The following CNGB3 variants were observed in gnomAD, a reference collection of about 807,000 sequenced individuals.
The protein encoded by CNGB3 is cyclic nucleotide gated channel subunit beta 3.
CNGB3 carries 86 observed loss-of-function variants against 92.8 expected under a neutral mutation model. That is an observed-to-expected ratio of 0.93 (90% CI 0.78 to 1.11). CNGB3 has a LOEUF of 1.11. Ranked by LOEUF, CNGB3 falls within the 50% of genes least tolerant of loss-of-function variation. The probability of loss-of-function intolerance (pLI) is 0.00; values close to 1 mark genes in which losing one functional copy is unlikely to be tolerated. For missense variants in CNGB3, 1,026 were observed against 956.8 expected (o/e 1.07, Z -0.95); for synonymous variants, 333 against 332.7 (o/e 1.00, Z -0.01).
intron 3 of CNGB3, among the ~76,000 whole-genome samples, chr8:86,681,573 T>C (rs1289232816): frequency 6.6e-6 from 1 of 152,162 alleles, no homozygotes; most frequent in African/African-American, 2.4e-5. Context: ...GGAAACATTC[T>C]GCAGAGCTGA....
At chr8:86,677,557 G>T (rs1823999684) in intron 3 of CNGB3, among the ~76,000 whole-genome samples, 1 of 152,278 alleles carries the variant, frequency 6.6e-6, no homozygotes, top group Non-Finnish European at 1.5e-5. Context: ...GTAAAAGCCT[G>T]CATAGAACAA....
In CNGB3 at chr8:86,604,169, C is replaced by T; in HGVS notation, c.1705G>A (p.Val569Ile). The T allele has an allele frequency of 6.2e-7, 1 of 1,613,522 alleles. No homozygotes were observed. Among genetic ancestry groups the T allele is most frequent in the Non-Finnish European group, 8.5e-7 (1 of 1,179,526 alleles). The change falls in exon 15 of 18, where the codon GTC becomes ATC. Residue 569 changes from valine (V) to isoleucine (I), a missense_variant. Coordinates refer to ENST00000320005, the MANE Select transcript of CNGB3 (RefSeq NM_019098.5). ...CCATCAGGGCCTCCAAGAACTTGGA[C>T]TTCTCCATGCTTGATGATATACATT... is the stretch of plus-strand genomic sequence containing the variant. ...KEMYIIKHGE[V>I]QVLGGPDGTK...
intron 3 of CNGB3, among the ~76,000 whole-genome samples, chr8:86,680,477 C>T (rs1344529884): frequency 6.6e-6 from 1 of 152,264 alleles, no homozygotes; most frequent in African/African-American, 2.4e-5. Flanking sequence ...CAGAAGGGGC[C>T]ATGGTCAACC....
Position 86,658,016 on chromosome 8 carries a change from T to A in CNGB3, c.853-3954A>T, listed in dbSNP as rs945212153. Reference sequence around the variant, plus strand: ...CGTTCCAGTTTTTCCATCTGCTCCTTCAGGTCCACCTTCTCCTGCATGAGC... The same window carrying A: ...CGTTCCAGTTTTTCCATCTGCTCCTACAGGTCCACCTTCTCCTGCATGAGC... On this transcript the variant is annotated intron_variant, in intron 6 of 17. Coordinates refer to ENST00000320005, the MANE Select transcript of CNGB3 (RefSeq NM_019098.5). 5.5e-6 allele frequency: 3 copies of A among 546,766 alleles called. No homozygotes were observed. The African/African-American group carries it at 5.7e-5, about 10-fold the overall frequency. The allele number at this position is 546,766 out of a possible 1,614,324, so 33.9% of individuals were successfully genotyped here. A position where few individuals can be genotyped will look rare whatever the true frequency, so the allele number is the denominator to read the frequency against.
Position 86,699,761 on chromosome 8 carries a change from G to A in CNGB3, c.338+26770C>T, listed in dbSNP as rs185497151. Among the ~76,000 whole-genome samples the A allele has an allele frequency of 1.4e-3, 212 of 152,302 alleles. 1 individual carries two copies. Among genetic ancestry groups the A allele is most frequent in the Non-Finnish European group, 2.6e-4 (18 of 68,034 alleles). On this transcript the variant is annotated intron_variant, in intron 3 of 17. Coordinates refer to ENST00000320005, the MANE Select transcript of CNGB3 (RefSeq NM_019098.5). ...AGATCCCTTTTGCCAAATTTATAGG[G>A]TTGTCCAAGTATGGTATTTGAAAAA...
chr8:86,617,975 TG>T (rs59867532), intron 13 of CNGB3, among the ~76,000 whole-genome samples: 117,317 of 152,052 alleles, frequency 0.77, 46,686 homozygotes, highest in East Asian at 1. Flanking sequence ...GTAGAATCAG[TG>T]GGAGCCCTGA....
chr8:86,606,889 T>C (rs1251468971), intron 14 of CNGB3, among the ~76,000 whole-genome samples: 1 of 152,178 alleles, frequency 6.6e-6, no homozygotes, highest in East Asian at 1.9e-4. Flanking sequence ...CATCTAACGG[T>C]GACTCCAATA....
At chr8:86,727,102 G>GA (rs1410705733) in intron 2 of CNGB3, among the ~76,000 whole-genome samples, 7 of 152,094 alleles carry the variant, frequency 4.6e-5, no homozygotes, top group Non-Finnish European at 1.0e-4. Context: ...TGTAAACATA[G>GA]AAAAGATACA....
chr8:86,594,201 C>T (rs1239463292), intron 15 of CNGB3: 2 of 275,362 alleles, frequency 7.3e-6, no homozygotes, highest in Non-Finnish European at 1.5e-5. Flanking sequence ...CCCAACAGGG[C>T]CAAGACCTTC....
chr8:86,589,650 T>A (rs567333827), intron 15 of CNGB3, among the ~76,000 whole-genome samples: 1 of 152,332 alleles, frequency 6.6e-6, no homozygotes, highest in Non-Finnish European at 1.5e-5. Flanking sequence ...TGAGCGGTTT[T>A]GAGTGAGATT....
Position 86,739,636 on chromosome 8 carries a change from T to C in CNGB3, c.211+19A>G, listed in dbSNP as rs1175729226. On this transcript the variant is annotated intron_variant, in intron 2 of 17. Coordinates refer to ENST00000320005, the MANE Select transcript of CNGB3 (RefSeq NM_019098.5). ...CACTTTTTAGTTTTTTTTTTTTTTT[T>C]TTCAGACTGCATTCTGACCTTGTAT... is the stretch of plus-strand genomic sequence containing the variant. 6.2e-6 allele frequency: 10 copies of C among 1,606,562 alleles called. No individual in the cohort carries two copies. The African/African-American group carries it at 1.2e-4, about 20-fold the overall frequency.
intron 6 of CNGB3, chr8:86,661,466 G>T: frequency 1.7e-6 from 1 of 592,446 alleles, no homozygotes; most frequent in South Asian, 1.5e-5. Flanking sequence ...ATACGTCCCT[G>T]AGCTCTTTCA....
chr8:86,688,594 C>A (rs748968072), intron 3 of CNGB3, among the ~76,000 whole-genome samples: 5 of 151,958 alleles, frequency 3.3e-5, no homozygotes, highest in Non-Finnish European at 7.4e-5. Context: ...GATTTTCCAA[C>A]TTCTTGGCAT....
chr8:86,658,101 A>G (rs1005457773), intron 6 of CNGB3: 2 of 526,108 alleles, frequency 3.8e-6, no homozygotes, highest in Non-Finnish European at 7.1e-6. Flanking sequence ...GGGCCTCCCC[A>G]CACACAGAAT....
At chr8:86,597,635 A>T (rs117628083) in intron 15 of CNGB3, among the ~76,000 whole-genome samples, 4,897 of 152,164 alleles carry the variant, frequency 0.032, 114 homozygotes, top group Non-Finnish European at 0.051. Context: ...CTGTGACTGG[A>T]TAGAGTGTGG....
At position 86,632,770 on chromosome 8, in the gene CNGB3, G is replaced by C. The variant is rs1156375811; in HGVS notation, c.1302C>G (p.Phe434Leu). 2 of 1,612,834 alleles carry C rather than the reference G, an allele frequency of 1.2e-6. No individual in the cohort carries two copies. Among genetic ancestry groups the C allele is most frequent in the Non-Finnish European group, 1.7e-6 (2 of 1,179,752 alleles). ...LLNFFSGVFV[F>L]SSLIGQMRDV... ...AGCTTACCTGACCAATTAAACTGGA[G>C]AACACAAAAACTCCAGAAAAAAAAT... The change falls in exon 11 of 18, where the codon TTC becomes TTG. Residue 434 changes from phenylalanine (F) to leucine (L), a missense_variant. Phe to Leu is a conservative substitution (Grantham distance 22). Transcript: ENST00000320005.
chr8:86,668,021 G>C lies in CNGB3; in HGVS notation c.641C>G (p.Thr214Arg). Residue 214 changes from threonine (T) to arginine (R), a missense_variant and splice_region_variant, in exon 5 of 18, where the codon ACA becomes AGA. By Grantham distance (71) the Thr-to-Arg change is moderately conservative. Transcript: ENST00000320005. ...IKLPNSIDSY[T>R]DRLYLLWLLL... ...GATAATTCACCCTTTGATAATACCT[G>C]TGTATGAATCTATGCTGTTTGGAAG... The C allele has an allele frequency of 6.2e-7, 1 of 1,613,946 alleles. No individual in the cohort carries two copies. The highest frequency in any genetic ancestry group is 8.5e-7 in the Non-Finnish European group (1 of 1,179,956).
chr8:86,726,682 TA>T (rs1168859151), intron 2 of CNGB3, 25 bp from the exon 3 acceptor site: 1 of 1,612,726 alleles, frequency 6.2e-7, no homozygotes, highest in East Asian at 2.2e-5. Context: ...TTCACATAGA[TA>T]GAAGAATGTA....
chr8:86,649,421 A>T (rs1168472551), intron 7 of CNGB3, among the ~76,000 whole-genome samples: 2 of 151,184 alleles, frequency 1.3e-5, no homozygotes, highest in Non-Finnish European at 3.0e-5. Flanking sequence ...TATAGTTAGC[A>T]AAACAGCATG....
Sources: gnomAD v4.1 joint callset for allele counts (sites outside exome capture counted in the v4.1 genomes callset) on GRCh38, gnomAD v4.1.1 for gene constraint, MANE v1.5 for transcripts, NCBI Gene and HGNC (gene_info 2026-07-23, HGNC 2026-07-21) for gene names.